NEK11: variants seen among roughly 807,000 people sequenced by gnomAD.
NEK11 encodes the protein serine/threonine-protein kinase Nek11.
A neutral mutation model predicts 80.7 loss-of-function variants in NEK11; 72 were observed. The ratio of observed to expected loss-of-function variants is 0.89; its 90% CI spans 0.74 to 1.08. NEK11 has a LOEUF of 1.08. Among genes scored for constraint, NEK11 ranks in the 50% least tolerant of loss-of-function variants. The pLI, the probability that NEK11 is intolerant of heterozygous loss-of-function variation, is 0.00. For synonymous variants in NEK11, 251 were observed against 260.7 expected, an observed-to-expected ratio of 0.96 and a Z score of 0.36; for missense variants, 764 against 763.6, an observed-to-expected ratio of 1.00 and a Z score of -0.01.
intron 10 of NEK11, among the ~76,000 whole-genome samples, chr3:131,155,564 A>G (rs1018828408): frequency 6.6e-6 from 1 of 152,222 alleles, no homozygotes; most frequent in African/African-American, 2.4e-5. Flanking sequence ...CTTGAAATAT[A>G]CATTCCTTCA....
intron 4 of NEK11, among the ~76,000 whole-genome samples, chr3:131,095,123 G>A (rs952439104): frequency 2.0e-5 from 3 of 152,108 alleles, no homozygotes; most frequent in Admixed American, 1.3e-4. Flanking sequence ...ATCTTATGGA[G>A]CTCATTCAAA....
intron 5 of NEK11, among the ~76,000 whole-genome samples, chr3:131,116,947 G>A (rs542185417): frequency 1.5e-4 from 23 of 152,306 alleles, no homozygotes; most frequent in Admixed American, 9.8e-4. Flanking sequence ...TCTGATGGTA[G>A]TTTCTTTTGC....
rs1306771257 is a variant in NEK11 at position 131,115,907 on chromosome 3, TTTCTTTC to T, written c.455+5989_455+5995del. 4.2e-3 allele frequency among the ~76,000 whole-genome samples: 117 copies of T among 28,004 alleles called. 1 individual carries two copies. The highest frequency in any genetic ancestry group is 0.017 in the Middle Eastern group (1 of 58). The allele number at this position is 28,004 out of a possible 152,430, so 18.4% of individuals were successfully genotyped here. A position where few individuals can be genotyped will look rare whatever the true frequency, so the allele number is the denominator to read the frequency against. ...ATGTTCCCTGAAAGGTAGTGTTTTC[TTTCTTTC>T]TTTCTTTCTTTCTTTCTTTCTTTCT... On this transcript the variant is annotated intron_variant, in intron 5 of 17. Transcript: ENST00000383366.
At chr3:131,278,315 G>A (rs2096335650) in intron 17 of NEK11, among the ~76,000 whole-genome samples, 1 of 152,206 alleles carries the variant, frequency 6.6e-6, no homozygotes, top group Non-Finnish European at 1.5e-5. Flanking sequence ...TGGAATGTTG[G>A]CAAAATGACA....
chr3:131,028,754 C>G (rs1408763793), intron 2 of NEK11, among the ~76,000 whole-genome samples: 1 of 152,070 alleles, frequency 6.6e-6, no homozygotes, highest in Non-Finnish European at 1.5e-5. Context: ...CGGGGTTTCA[C>G]CGTGTTAGCC....
At chr3:131,271,522 G>A (rs1366259796) in intron 16 of NEK11, among the ~76,000 whole-genome samples, 1 of 152,072 alleles carries the variant, frequency 6.6e-6, no homozygotes, top group Non-Finnish European at 1.5e-5. Flanking sequence ...GAGCCAGTCG[G>A]GGTGGCTCAC....
chr3:131,168,058 A>T (rs1250113945), intron 12 of NEK11, among the ~76,000 whole-genome samples: 1 of 152,222 alleles, frequency 6.6e-6, no homozygotes, highest in Non-Finnish European at 1.5e-5. Flanking sequence ...GTTCAGGCCC[A>T]CAGACTGGAT....
At chr3:131,123,327 C>T (rs1292016420) in intron 5 of NEK11, among the ~76,000 whole-genome samples, 4 of 152,100 alleles carry the variant, frequency 2.6e-5, no homozygotes, top group East Asian at 1.9e-4. Flanking sequence ...CCACCATGCC[C>T]GTCTAATTTT....
intron 16 of NEK11, among the ~76,000 whole-genome samples, chr3:131,253,365 T>A (rs957463758): frequency 8.6e-5 from 13 of 151,986 alleles, no homozygotes; most frequent in Non-Finnish European, 1.6e-4. Context: ...TATTAAGTGA[T>A]TCTAGGCAGA....
At chr3:131,108,805 G>C (rs1363387249) in intron 4 of NEK11, among the ~76,000 whole-genome samples, 1 of 151,962 alleles carries the variant, frequency 6.6e-6, no homozygotes, top group African/African-American at 2.4e-5. Flanking sequence ...TATTCCTTAG[G>C]GTTTTGCTAT....
At chr3:131,255,550 C>T (rs1470273956) in intron 16 of NEK11, among the ~76,000 whole-genome samples, 1 of 152,188 alleles carries the variant, frequency 6.6e-6, no homozygotes, top group African/African-American at 2.4e-5. Flanking sequence ...CCCTTCCTCA[C>T]ACCTTACATT....
At chr3:131,110,946 T>A (rs1282331299) in intron 5 of NEK11, among the ~76,000 whole-genome samples, 2 of 152,182 alleles carry the variant, frequency 1.3e-5, no homozygotes, top group Non-Finnish European at 2.9e-5. Flanking sequence ...TATTAAAAGA[T>A]TATTTGACTT....
chr3:131,115,915 T>TTTCC (rs2080980969), intron 5 of NEK11, among the ~76,000 whole-genome samples: 1 of 70,898 alleles, frequency 1.4e-5, no homozygotes, highest in African/African-American at 5.8e-5. Context: ...TCTTTCTTTC[T>TTTCC]TTCTTTCTTT....
intron 4 of NEK11, among the ~76,000 whole-genome samples, chr3:131,094,961 G>T (rs1268661384): frequency 6.6e-6 from 1 of 152,074 alleles, no homozygotes; most frequent in Non-Finnish European, 1.5e-5. Context: ...AAGCTTTAAG[G>T]ACTCAGGAAG....
Position 131,045,197 on chromosome 3 carries a change from G to C in NEK11, c.170+15319G>C, listed in dbSNP as rs2067204140. Among the ~76,000 whole-genome samples, 3 of 152,232 alleles carry C rather than the reference G, an allele frequency of 2.0e-5. No individual in the cohort carries two copies. The South Asian group carries it at 6.2e-4, about 32-fold the overall frequency. ...ATCTAAAATCAACAATTGTCTATTTGTGCCCTTTTAGACTTTTTGATGTGA... is the reference window on the plus strand; with the variant it reads ...ATCTAAAATCAACAATTGTCTATTTCTGCCCTTTTAGACTTTTTGATGTGA... On this transcript the variant is annotated intron_variant, in intron 3 of 17. Coordinates refer to ENST00000383366, the MANE Select transcript of NEK11 (RefSeq NM_024800.5).
chr3:131,230,124 C>T (rs2095301204), intron 15 of NEK11, among the ~76,000 whole-genome samples: 1 of 151,098 alleles, frequency 6.6e-6, no homozygotes, highest in South Asian at 2.1e-4. Context: ...AATTTTTGGT[C>T]AAAGCATCAA....
intron 14 of NEK11, among the ~76,000 whole-genome samples, chr3:131,227,876 G>C (rs1408967012): frequency 6.6e-6 from 1 of 152,148 alleles, no homozygotes; most frequent in Non-Finnish European, 1.5e-5. Context: ...AACTTGGGTA[G>C]ATGCTTATTG....
intron 5 of NEK11, among the ~76,000 whole-genome samples, chr3:131,124,597 T>C (rs1560523751): frequency 1.3e-5 from 2 of 151,952 alleles, no homozygotes; most frequent in Non-Finnish European, 2.9e-5. Context: ...AGGAGAATGG[T>C]TATTGGGTAG....
intron 3 of NEK11, among the ~76,000 whole-genome samples, chr3:131,056,291 T>C (rs887938241): frequency 3.9e-5 from 6 of 152,206 alleles, no homozygotes; most frequent in African/African-American, 7.2e-5. Flanking sequence ...TCTCTCCCCT[T>C]GTAGACATGG....
Sources: gnomAD v4.1 joint callset for allele counts (sites outside exome capture counted in the v4.1 genomes callset) on GRCh38, gnomAD v4.1.1 for gene constraint, MANE v1.5 for transcripts, NCBI Gene and HGNC (gene_info 2026-07-23, HGNC 2026-07-21) for gene names.